Variants in UBN2 observed in about 807,000 individuals in gnomAD.
UBN2 encodes the protein ubinuclein 2.
A neutral mutation model predicts 120.2 loss-of-function variants in UBN2; 35 were observed. The observed-to-expected ratio is 0.29, with a 90% CI of 0.22 to 0.39. UBN2 has a LOEUF of 0.39. Among genes scored for constraint, UBN2 ranks in the 10% least tolerant of loss-of-function variants. UBN2 has a pLI of 1.00. For missense variants in UBN2, 1,693 were observed against 1,663.2 expected (o/e 1.02, Z -0.31); for synonymous variants, 661 against 648.7 (o/e 1.02, Z -0.29).
In UBN2 at chr7:139,297,877, A is replaced by C; in HGVS notation, c.*41A>C. 6.2e-7 allele frequency: 1 copy of C among 1,606,536 alleles called. No individual in the cohort carries two copies. Among genetic ancestry groups the C allele is most frequent in the Non-Finnish European group, 8.5e-7 (1 of 1,173,184 alleles). ...AGGAGACGAAATGTTTAGTTGACTG[A>C]TGGAATCTACCTGATGGGAAAGTAC... is the stretch of plus-strand genomic sequence containing the variant. On this transcript the variant is annotated 3_prime_UTR_variant, in exon 18 of 18. Coordinates refer to ENST00000473989, the MANE Select transcript of UBN2 (RefSeq NM_173569.4).
the UBN2 span, among the ~76,000 whole-genome samples, chr7:139,320,671 A>G: frequency 6.6e-6 from 1 of 152,100 alleles, no homozygotes; most frequent in Non-Finnish European, 1.5e-5. Context: ...CAGCCTTGCC[A>G]ACATGGTGAA....
Position 139,301,094 on chromosome 7 carries a change from C to T in UBN2, c.*3258C>T, listed in dbSNP as rs988902074. ...AGTGCATTCTTTTGTGCCCACCCCC[C>T]CTCTGATGGATGTTGTTAGCCCAAA... On this transcript the variant is annotated 3_prime_UTR_variant, in exon 18 of 18. Coordinates refer to ENST00000473989, the MANE Select transcript of UBN2 (RefSeq NM_173569.4). The T allele has an allele frequency of 6.6e-6, 1 of 152,118 alleles. No homozygotes were observed. Among genetic ancestry groups the T allele is most frequent in the African/African-American group, 2.4e-5 (1 of 41,426 alleles). The allele number at this position is 152,118 out of a possible 1,614,324, so 9.4% of individuals were successfully genotyped here.
At chr7:139,235,718 G>C (rs963907418) in intron 1 of UBN2, among the ~76,000 whole-genome samples, 2 of 152,114 alleles carry the variant, frequency 1.3e-5, no homozygotes, top group Non-Finnish European at 2.9e-5. Flanking sequence ...TTCATTGGTA[G>C]CTTCTGTTGG....
At position 139,237,423 on chromosome 7, in the gene UBN2, A is replaced by G. The variant is rs944679022; in HGVS notation, c.561+326A>G. 4.6e-5 allele frequency among the ~76,000 whole-genome samples: 7 copies of G among 152,172 alleles called. No homozygotes were observed. The East Asian group carries it at 1.4e-3, about 29-fold the overall frequency. On this transcript the variant is annotated intron_variant, in intron 2 of 17. Transcript: ENST00000473989. The stretch of plus-strand genomic sequence containing the variant: ...GCCTTTCTCATGCCTCAGCCTCCCA[A>G]GTAGCTGTGACTACAGGGGCAACAC...
chr7:139,276,384 A>G lies in UBN2; in HGVS notation c.2024+237A>G, dbSNP rs1180673949. On this transcript the variant is annotated intron_variant, in intron 12 of 17. Coordinates refer to ENST00000473989, the MANE Select transcript of UBN2 (RefSeq NM_173569.4). ...CCTGGGATTCTGGTAGTAGGGAAGC[A>G]TGAAGGCTCAGGGATTTTCCTTTGT... 2.0e-5 allele frequency: 10 copies of G among 490,076 alleles called. No homozygotes were observed. In the East Asian group the frequency reaches 3.0e-4, roughly 15 times the overall value. 30.4% of individuals were successfully genotyped at this position (490,076 alleles called of 1,614,324 possible). A position where few individuals can be genotyped will look rare whatever the true frequency, so the allele number is the denominator to read the frequency against.
At chr7:139,254,883 C>T (rs1156418213) in intron 3 of UBN2, among the ~76,000 whole-genome samples, 1 of 152,192 alleles carries the variant, frequency 6.6e-6, no homozygotes, top group African/African-American at 2.4e-5. Flanking sequence ...TGCCTTCCCC[C>T]GCTCAGCATG....
chr7:139,311,722 G>A (rs1390825704), downstream of UBN2, among the ~76,000 whole-genome samples: 2 of 152,220 alleles, frequency 1.3e-5, no homozygotes, highest in African/African-American at 4.8e-5. Flanking sequence ...AAGCCATAGT[G>A]TTGTTTAAAA....
At chr7:139,261,776 G>A in intron 6 of UBN2, 35 bp downstream of exon 6, 1 of 1,578,194 alleles carries the variant, frequency 6.3e-7, no homozygotes, top group East Asian at 2.3e-5. Context: ...TTTATTTGCT[G>A]CACAAACATA....
At position 139,231,342 on chromosome 7, in the gene UBN2, C is replaced by G; in HGVS notation, c.-143C>G. The G allele has an allele frequency of 1.5e-6, 1 of 654,388 alleles. No individual in the cohort carries two copies. The highest frequency in any genetic ancestry group is 3.6e-5 in the East Asian group (1 of 28,166). 40.5% of individuals were successfully genotyped at this position (654,388 alleles called of 1,614,324 possible). A position where few individuals can be genotyped will look rare whatever the true frequency, so the allele number is the denominator to read the frequency against. Reference sequence around the variant, plus strand: ...AGCGGGGAAGGGGACACGGTCCGCACTCACCGTGGCGCCGGCGGAGACGGC... The same window carrying G: ...AGCGGGGAAGGGGACACGGTCCGCAGTCACCGTGGCGCCGGCGGAGACGGC... On this transcript the variant is annotated 5_prime_UTR_variant, in exon 1 of 18. Transcript: ENST00000473989.
chr7:139,293,840 G>A (rs993062703), intron 16 of UBN2, 49 bp from the exon 17 acceptor site: 2 of 1,558,248 alleles, frequency 1.3e-6, no homozygotes, highest in Non-Finnish European at 1.8e-6. Flanking sequence ...GAACTAAAAG[G>A]GCTCAAATCT....
chr7:139,282,460 C>G (rs1295850517), intron 14 of UBN2, among the ~76,000 whole-genome samples: 1 of 152,076 alleles, frequency 6.6e-6, no homozygotes, highest in African/African-American at 2.4e-5. Flanking sequence ...ATTACAGATT[C>G]ACCATAATAA....
At position 139,299,340 on chromosome 7, in the gene UBN2, T is replaced by C. The variant is rs1798199964; in HGVS notation, c.*1504T>C. 6.6e-6 allele frequency: 1 copy of C among 152,184 alleles called. No individual in the cohort carries two copies. The highest frequency in any genetic ancestry group is 2.4e-5 in the African/African-American group (1 of 41,460). 9.4% of individuals were successfully genotyped at this position (152,184 alleles called of 1,614,324 possible). On this transcript the variant is annotated 3_prime_UTR_variant, in exon 18 of 18. Coordinates refer to ENST00000473989, the MANE Select transcript of UBN2 (RefSeq NM_173569.4). ...TGGTAGTGACAAGATTTATTGCATATGTGTTTATTATACATTACCCTATAC... is the reference window on the plus strand; with the variant it reads ...TGGTAGTGACAAGATTTATTGCATACGTGTTTATTATACATTACCCTATAC...
intron 11 of UBN2, among the ~76,000 whole-genome samples, chr7:139,274,587 A>G (rs1797384723): frequency 6.6e-6 from 1 of 151,750 alleles, no homozygotes; most frequent in Non-Finnish European, 1.5e-5. Flanking sequence ...ACATGAAGAA[A>G]CCTTGTCTCT....
chr7:139,272,983 G>A (rs981592322), intron 9 of UBN2, among the ~76,000 whole-genome samples: 1 of 152,228 alleles, frequency 6.6e-6, no homozygotes, highest in African/African-American at 2.4e-5. Flanking sequence ...TTGATTGATT[G>A]TATGGAGGTG....
At chr7:139,232,659 G>T (rs755454157) in intron 1 of UBN2, among the ~76,000 whole-genome samples, 4 of 152,074 alleles carry the variant, frequency 2.6e-5, no homozygotes, top group Admixed American at 1.3e-4. Flanking sequence ...AATTGAATGG[G>T]AAGGTGTCTC....
At chr7:139,312,308 C>T (rs1369814651), downstream of UBN2, among the ~76,000 whole-genome samples, 2 of 152,148 alleles carry the variant, frequency 1.3e-5, no homozygotes, top group African/African-American at 4.8e-5. Flanking sequence ...CTGTGGTAGC[C>T]ATGTTTACTG....
At chr7:139,323,557 T>TGA in the UBN2 span, among the ~76,000 whole-genome samples, 346 of 41,014 alleles carry the variant, frequency 8.4e-3, 1 homozygote, top group African/African-American at 0.035. Flanking sequence ...CTGGACCTGA[T>TGA]TATTATTATT....
At chr7:139,326,070 A>G in the UBN2 span, among the ~76,000 whole-genome samples, 1 of 151,924 alleles carries the variant, frequency 6.6e-6, no homozygotes, top group Admixed American at 6.5e-5. Context: ...AGCCTGGTCA[A>G]CATGGAGAAA....
chr7:139,293,455 T>C lies in UBN2; in HGVS notation c.3893T>C (p.Leu1298Pro). Residue 1298 changes from leucine (L) to proline (P), a missense_variant, in exon 16 of 18, where the codon CTA becomes CCA. Around this residue, in one of 5 missense-constraint regions of UBN2, gnomAD observed 837 missense variants for 817.6 expected, o/e 1.02. Transcript: ENST00000473989. The part of the protein sequence containing the change: ...GSTSAAFHHS[L>P]TQNLLKGLQP... ...ACCTCAGCCGCTTTCCACCATAGCC[T>C]AACTCAGAGTAAGTGGGGCTCTTCT... The C allele has an allele frequency of 6.2e-7, 1 of 1,614,030 alleles. No individual in the cohort carries two copies. Among genetic ancestry groups the C allele is most frequent in the Non-Finnish European group, 8.5e-7 (1 of 1,179,924 alleles).
Sources: allele counts gnomAD v4.1 joint callset (sites outside exome capture counted in the v4.1 genomes callset), GRCh38; gene constraint gnomAD v4.1.1; regional missense constraint gnomAD v4.1.1; transcripts MANE v1.5; gene names NCBI Gene and HGNC (gene_info 2026-07-23, HGNC 2026-07-21).